Variants in PPL observed in about 807,000 individuals in gnomAD.
PPL encodes 190 kDa paraneoplastic pemphigus antigen.
A neutral mutation model predicts 194.4 loss-of-function variants in PPL; 198 were observed. That is an observed-to-expected ratio of 1.02 (90% CI 0.91 to 1.15). The LOEUF (loss-of-function observed/expected upper bound fraction) is 1.15. PPL is among the 50% of genes most tolerant of loss of function. The pLI is 0.00. For missense variants in PPL, 2,885 were observed against 2,294.8 expected (o/e 1.26, Z -5.25); for synonymous variants, 1,220 against 972.4 (o/e 1.25, Z -4.74).
At chr16:4,918,487 A>G (rs1395413269) in intron 1 of PPL, among the ~76,000 whole-genome samples, 1 of 152,152 alleles carries the variant, frequency 6.6e-6, no homozygotes, top group African/African-American at 2.4e-5. Flanking sequence ...TCACATATAT[A>G]TTAGCTCATC....
In PPL at chr16:4,884,448, G is replaced by T; in HGVS notation, c.4207C>A (p.Leu1403Met). The part of the protein sequence containing the change: ...QRRRTELERQ[L>M]EELERERQAR... ...TGCCGCTCGCGCTCTAGCTCCTCCAGCTGCCGCTCAAGCTCGGTGCGCCGG... is the reference window on the plus strand; with the variant it reads ...TGCCGCTCGCGCTCTAGCTCCTCCATCTGCCGCTCAAGCTCGGTGCGCCGG... Residue 1403 changes from leucine to methionine, a missense_variant, in exon 22 of 22, where the codon CTG becomes ATG. Coordinates refer to ENST00000345988, the MANE Select transcript of PPL (RefSeq NM_002705.5). This position sits in a 1 kb window ranked among gnomAD's most constrained non-coding sequence, Gnocchi z 5.7. 6.2e-7 allele frequency: 1 copy of T among 1,601,868 alleles called. No homozygotes were observed. Among genetic ancestry groups the T allele is most frequent in the Non-Finnish European group, 8.5e-7 (1 of 1,176,966 alleles).
In PPL at chr16:4,925,672, C is replaced by A. The variant is rs114733479; in HGVS notation, c.62+11312G>T. Among the ~76,000 whole-genome samples, 358 of 152,224 alleles carry A rather than the reference C, an allele frequency of 2.4e-3. 2 individuals carry two copies. Among genetic ancestry groups the A allele is most frequent in the African/African-American group, 8.3e-3 (346 of 41,522 alleles). On this transcript the variant is annotated intron_variant, in intron 1 of 21. Transcript: ENST00000345988. The stretch of plus-strand genomic sequence containing the variant: ...TCGGTAACTCTTATGTCTCTGTGTT[C>A]TAGGTGAAGATAACTGAGGCTCACA...
rs2088174425 is a variant in PPL at position 4,884,493 on chromosome 16, CTGCCCGCAGCTT to C, written c.4150_4161del (p.Lys1384_Ala1387del). 1.9e-6 allele frequency: 3 copies of C among 1,607,394 alleles called. No individual in the cohort carries two copies. The highest frequency in any genetic ancestry group is 2.5e-6 in the Non-Finnish European group (3 of 1,178,852). On this transcript the variant is annotated inframe_deletion, in exon 22 of 22. Transcript: ENST00000345988. This position sits in a 1 kb window ranked among gnomAD's most constrained non-coding sequence, Gnocchi z 5.7. ...CGCCGGCGCTGCAGCCGCCGCAGCT[CTGCCCGCAGCTT>C]GTCAATCTGCCGCAGCTCCACATCG...
In PPL at chr16:4,886,025, T is replaced by C; in HGVS notation, c.2630A>G (p.His877Arg). The C allele has an allele frequency of 1.9e-6, 3 of 1,613,946 alleles. No individual in the cohort carries two copies. The highest frequency in any genetic ancestry group is 2.2e-5 in the East Asian group (1 of 44,872). The change falls in exon 22 of 22, where the codon CAT becomes CGT. Residue 877 changes from histidine (H) to arginine (R), a missense_variant. Physicochemically the swap from His to Arg is conservative, Grantham distance 29. Coordinates refer to ENST00000345988, the MANE Select transcript of PPL (RefSeq NM_002705.5). ...LRQQPEVEVT[H>R]ETLQRNRPDS... ...CGGCCTATTCCTTTGCAGGGTCTCA[T>C]GGGTCACTTCTACTTCCGGCTGCTG...
chr16:4,936,395 G>C (rs940309618), intron 1 of PPL, among the ~76,000 whole-genome samples: 8 of 152,190 alleles, frequency 5.3e-5, no homozygotes, highest in Non-Finnish European at 1.2e-4. Flanking sequence ...CAGGGTGGCA[G>C]GTGCCGGGAA....
In PPL at chr16:4,890,747, G is replaced by T. The variant is rs763851606; in HGVS notation, c.2143C>A (p.Arg715Ser). Residue 715 changes from arginine (R) to serine (S), a missense_variant, in exon 17 of 22, where the codon CGC (arginine) becomes AGC (serine). Transcript: ENST00000345988. ...HKLGQRFNNL[R>S]QQVERRAQSL... ...CCTCACCTGCGTTCCACCTGCTGGC[G>T]CAGGTTGTTGAAACGCTGGCCCAGC... The T allele has an allele frequency of 2.5e-6, 4 of 1,607,864 alleles. No individual in the cohort carries two copies. Among genetic ancestry groups the T allele is most frequent in the Non-Finnish European group, 3.4e-6 (4 of 1,177,854 alleles).
intron 1 of PPL, among the ~76,000 whole-genome samples, chr16:4,918,539 T>C (rs1182828299): frequency 6.6e-6 from 1 of 152,060 alleles, no homozygotes; most frequent in Non-Finnish European, 1.5e-5. Context: ...TTCTCAAAAG[T>C]TGGAGGATTA....
chr16:4,891,003 C>A, intron 16 of PPL, 82 bp from the exon 17 acceptor site: 1 of 1,275,132 alleles, frequency 7.8e-7, no homozygotes, highest in Non-Finnish European at 1.1e-6. Context: ...AGCCCCTGGG[C>A]CACTGACTGT....
rs775893644 is a variant in PPL at position 4,890,220 on chromosome 16, GCTGT to G, written c.2273_2276del (p.Asp758AlafsTer9). 5.0e-6 allele frequency: 8 copies of G among 1,614,160 alleles called. No homozygotes were observed. Among genetic ancestry groups the G allele is most frequent in the South Asian group, 2.2e-5 (2 of 91,086 alleles). Reference sequence around the variant, plus strand: ...TCAGCTTGGTCTCCATCTGGCTGAGGCTGTCTGTCTCCTGGGGCTCGTAACTGGG... The same window carrying G: ...TCAGCTTGGTCTCCATCTGGCTGAGGCTGTCTCCTGGGGCTCGTAACTGGG... On this transcript the variant is annotated frameshift_variant, in exon 18 of 22. Coordinates refer to ENST00000345988, the MANE Select transcript of PPL (RefSeq NM_002705.5). LOFTEE classifies it high-confidence loss of function.
intron 21 of PPL, among the ~76,000 whole-genome samples, chr16:4,886,736 A>G (rs2088226005): frequency 6.6e-6 from 1 of 152,164 alleles, no homozygotes; most frequent in Non-Finnish European, 1.5e-5. Context: ...CTCCTGCCTC[A>G]GTCTCCTGAG....
intron 1 of PPL, among the ~76,000 whole-genome samples, chr16:4,922,209 C>T (rs2089063478): frequency 1.3e-5 from 2 of 152,136 alleles, no homozygotes; most frequent in African/African-American, 4.8e-5. Flanking sequence ...CCTCAGTTTC[C>T]CCAGCTGTAA....
Position 4,885,507 on chromosome 16 carries a change from C to G in PPL, c.3148G>C (p.Glu1050Gln), listed in dbSNP as rs748924067. 4 of 1,611,514 alleles carry G rather than the reference C, an allele frequency of 2.5e-6. No homozygotes were observed. In the Admixed American group the frequency reaches 6.7e-5, roughly 27 times the overall value. Residue 1050 changes from glutamate to glutamine, a missense_variant, in exon 22 of 22, where the codon GAG becomes CAG. Physicochemically the swap from Glu to Gln is conservative, Grantham distance 29. Coordinates refer to ENST00000345988, the MANE Select transcript of PPL (RefSeq NM_002705.5). The surrounding 1 kb of genome is among the most constrained non-coding windows in gnomAD (Gnocchi z 6.3). ...ALAEEKSRAQ[E>Q]KVTEKEVVKL... ...ACCACCTCTTTCTCTGTGACCTTCT[C>G]CTGCGCCCGGCTCTTCTCTTCAGCC...
In PPL at chr16:4,885,145, C is replaced by T. The variant is rs1049206; in HGVS notation, c.3510G>A (p.Val1170=). The change falls in exon 22 of 22, where the codon GTG becomes GTA. Residue 1170 remains valine, a synonymous_variant. Coordinates refer to ENST00000345988, the MANE Select transcript of PPL (RefSeq NM_002705.5). The surrounding 1 kb of genome is among the most constrained non-coding windows in gnomAD (Gnocchi z 6.3). Reference sequence around the variant, plus strand: ...GCACGATCTCCCGCACCTTCTCCTGCACCACCACTTTGGCGTTCTCCTCCT... The same window carrying T: ...GCACGATCTCCCGCACCTTCTCCTGTACCACCACTTTGGCGTTCTCCTCCT... ...ALEEENAKVV[V]QEKVREIVRP... The T allele has an allele frequency of 0.31, 501,755 of 1,613,822 alleles. 80,409 individuals carry two copies. The highest frequency in any genetic ancestry group is 0.46 in the South Asian group (41,804 of 91,070).
At chr16:4,916,156 T>C (rs2088912477) in intron 1 of PPL, among the ~76,000 whole-genome samples, 1 of 152,226 alleles carries the variant, frequency 6.6e-6, no homozygotes, top group Admixed American at 6.5e-5. Context: ...CCACAAAAAG[T>C]TAAGCAGTCA....
In PPL at chr16:4,885,883, C is replaced by T. The variant is rs781378880; in HGVS notation, c.2772G>A (p.Arg924=). ...KSTQEEIWTL[R]NQGPQESVVR... The stretch of plus-strand genomic sequence containing the variant: ...CCACCGATTCCTGAGGCCCCTGATT[C>T]CTCAAGGTCCAGATTTCTTCCTGGG... Residue 924 remains arginine, a synonymous_variant, in exon 22 of 22, where the codon AGG becomes AGA. Transcript: ENST00000345988. The surrounding 1 kb of genome is among the most constrained non-coding windows in gnomAD (Gnocchi z 6.3). The T allele has an allele frequency of 6.2e-7, 1 of 1,609,784 alleles. No individual in the cohort carries two copies. Among genetic ancestry groups the T allele is most frequent in the East Asian group, 2.2e-5 (1 of 44,886 alleles).
In PPL at chr16:4,891,858, C is replaced by G; in HGVS notation, c.1921G>C (p.Val641Leu). ...TCCAGGACACGGCTGCTCTCAGGCA[C>G]TGTGTCATCCTGATTCAGATGGTTC... is the stretch of plus-strand genomic sequence containing the variant. Reference protein sequence around the residue: ...HENHLNQDDTVPESSRVLDSK... With the variant: ...HENHLNQDDTLPESSRVLDSK... The change falls in exon 16 of 22, where the codon GTG becomes CTG. Residue 641 changes from valine to leucine, a missense_variant. Coordinates refer to ENST00000345988, the MANE Select transcript of PPL (RefSeq NM_002705.5). 1 of 1,613,536 alleles carries G rather than the reference C, an allele frequency of 6.2e-7. No homozygotes were observed. Among genetic ancestry groups the G allele is most frequent in the Non-Finnish European group, 8.5e-7 (1 of 1,180,008 alleles).
At chr16:4,917,986 CA>C (rs199659886) in intron 1 of PPL, among the ~76,000 whole-genome samples, 87 of 133,812 alleles carry the variant, frequency 6.5e-4, no homozygotes, top group Admixed American at 9.2e-4. Context: ...AAAGCTGCTA[CA>C]AAAAAAAAAA....
rs927484492 is a variant in PPL at position 4,906,461 on chromosome 16, G to A, written c.163-2421C>T. The stretch of plus-strand genomic sequence containing the variant: ...AGGATGGTCTCGATCTCCTGACCTC[G>A]TGATCCACCCGCCTCGGCCTCCCAA... On this transcript the variant is annotated intron_variant, in intron 2 of 21. Transcript: ENST00000345988. Among the ~76,000 whole-genome samples, 34 of 152,150 alleles carry A rather than the reference G, an allele frequency of 2.2e-4. 1 individual carries two copies. Among genetic ancestry groups the A allele is most frequent in the Admixed American group, 1.3e-3 (20 of 15,282 alleles).
chr16:4,903,268 G>A (rs2088613762), intron 3 of PPL, among the ~76,000 whole-genome samples: 1 of 152,062 alleles, frequency 6.6e-6, no homozygotes, highest in Non-Finnish European at 1.5e-5. Flanking sequence ...TGGGAGTCGT[G>A]AGCCAAGGAA....
Sources: allele counts gnomAD v4.1 joint callset (sites outside exome capture counted in the v4.1 genomes callset), GRCh38; gene constraint gnomAD v4.1.1; non-coding constraint Gnocchi (gnomAD v3.1); transcripts MANE v1.5; gene names NCBI Gene and HGNC (gene_info 2026-07-23, HGNC 2026-07-21).